Variants in PRKCH observed in about 807,000 individuals in gnomAD.
PRKCH encodes the protein protein kinase C eta.
PRKCH carries 28 observed loss-of-function variants against 82.5 expected under a neutral mutation model. The ratio of observed to expected loss-of-function variants is 0.34; its 90% CI spans 0.25 to 0.47. The LOEUF is 0.47. Ranked by LOEUF, PRKCH falls within the 20% of genes least tolerant of loss-of-function variation. PRKCH has a pLI of 1.00. For synonymous variants in PRKCH, 322 were observed against 327.4 expected (o/e 0.98, Z 0.18); for missense variants, 705 against 881.8 (o/e 0.80, Z 2.54).
intron 1 of PRKCH, among the ~76,000 whole-genome samples, chr14:61,275,685 G>A (rs1479890863): frequency 6.6e-6 from 1 of 152,074 alleles, no homozygotes; most frequent in Non-Finnish European, 1.5e-5. Flanking sequence ...CCTCATCATG[G>A]GTTTCCTTTG....
chr14:61,509,135 A>G (rs1472693380), intron 10 of PRKCH, among the ~76,000 whole-genome samples: 1 of 152,162 alleles, frequency 6.6e-6, no homozygotes, highest in Non-Finnish European at 1.5e-5. Context: ...GAATCCTGCC[A>G]TTCCCTCTCC....
chr14:61,356,701 A>C (rs2046155210), intron 1 of PRKCH, among the ~76,000 whole-genome samples: 3 of 152,074 alleles, frequency 2.0e-5, no homozygotes. Context: ...TTTGTTTTTG[A>C]GATGGAGTCT....
chr14:61,465,463 C>A (rs1885213531), intron 9 of PRKCH, among the ~76,000 whole-genome samples: 1 of 151,990 alleles, frequency 6.6e-6, no homozygotes, highest in Non-Finnish European at 1.5e-5. Context: ...TTTTTCAACA[C>A]CATTTATTGA....
intron 1 of PRKCH, 47 bp from the exon 2 acceptor site, chr14:61,391,178 A>C (rs776374647): frequency 6.6e-7 from 1 of 1,525,066 alleles, no homozygotes; most frequent in Non-Finnish European, 9.0e-7. Flanking sequence ...GCCCACAAAA[A>C]TATTTTAAAA....
intron 1 of PRKCH, among the ~76,000 whole-genome samples, chr14:61,199,272 T>C (rs2044461822): frequency 3.3e-5 from 5 of 152,234 alleles, no homozygotes. Flanking sequence ...TAATGTGTTA[T>C]GTACCCCCTG....
chr14:61,407,934 GCA>G (rs937976790), intron 2 of PRKCH, among the ~76,000 whole-genome samples: 2 of 152,124 alleles, frequency 1.3e-5, no homozygotes, highest in Admixed American at 1.3e-4. Flanking sequence ...TTCAGACAGG[GCA>G]GGGTTCTCCA....
chr14:61,340,217 G>A (rs1288479370), intron 1 of PRKCH, among the ~76,000 whole-genome samples: 1 of 152,036 alleles, frequency 6.6e-6, no homozygotes, highest in Non-Finnish European at 1.5e-5. Context: ...GTGTAGTCAG[G>A]TCAGTTCTTC....
At chr14:61,460,932 G>C (rs953714528) in intron 9 of PRKCH, among the ~76,000 whole-genome samples, 1 of 152,192 alleles carries the variant, frequency 6.6e-6, no homozygotes, top group African/African-American at 2.4e-5. Flanking sequence ...GCAGCCTGGA[G>C]AATGGGTGGA....
intron 9 of PRKCH, 105 bp from the exon 10 acceptor site, chr14:61,485,397 C>G: frequency 7.2e-7 from 1 of 1,393,064 alleles, no homozygotes; most frequent in Non-Finnish European, 9.8e-7. Context: ...AATACATCCA[C>G]TTGACAGTGT....
At chr14:61,419,142 C>T (rs1351342855) in intron 2 of PRKCH, among the ~76,000 whole-genome samples, 1 of 152,184 alleles carries the variant, frequency 6.6e-6, no homozygotes, top group Non-Finnish European at 1.5e-5. Flanking sequence ...GCTAGTTGTT[C>T]TCCCAAAGAC....
intron 1 of PRKCH, among the ~76,000 whole-genome samples, chr14:61,195,391 A>C (rs2044433536): frequency 6.6e-6 from 1 of 152,234 alleles, no homozygotes; most frequent in Non-Finnish European, 1.5e-5. Context: ...GAGAGGATTC[A>C]AAGTGCATTT....
At chr14:61,432,705 C>T (rs1160006688) in intron 2 of PRKCH, among the ~76,000 whole-genome samples, 1 of 152,058 alleles carries the variant, frequency 6.6e-6, no homozygotes, top group African/African-American at 2.4e-5. Flanking sequence ...TTTGACTCAG[C>T]CTTTTCCATT....
At chr14:61,370,745 T>C (rs2046355709) in intron 1 of PRKCH, among the ~76,000 whole-genome samples, 1 of 152,154 alleles carries the variant, frequency 6.6e-6, no homozygotes, top group African/African-American at 2.4e-5. Context: ...CTTCTACTTC[T>C]GTTTTTAGTT....
chr14:61,313,120 T>G (rs2045537510), intron 1 of PRKCH, among the ~76,000 whole-genome samples: 2 of 152,174 alleles, frequency 1.3e-5, no homozygotes, highest in African/African-American at 4.8e-5. Context: ...GGATGGTCAC[T>G]GAGTATACCA....
chr14:61,521,203 C>T (rs10151492), intron 10 of PRKCH, among the ~76,000 whole-genome samples: 41,778 of 151,980 alleles, frequency 0.27, 6,332 homozygotes, highest in African/African-American at 0.4. Flanking sequence ...CAGGAATGAT[C>T]AATTTTATAT....
intron 1 of PRKCH, among the ~76,000 whole-genome samples, chr14:61,377,651 A>G (rs2046443392): frequency 6.6e-6 from 1 of 152,170 alleles, no homozygotes; most frequent in Non-Finnish European, 1.5e-5. Context: ...GTAAAACTTT[A>G]CTTATCAAAA....
intron 2 of PRKCH, among the ~76,000 whole-genome samples, chr14:61,396,333 T>A (rs926306101): frequency 8.5e-5 from 13 of 152,184 alleles, no homozygotes; most frequent in Non-Finnish European, 8.8e-5. Context: ...CCTCATTTTT[T>A]AATTTTTCAT....
intron 12 of PRKCH, chr14:61,537,472 GTC>G (rs2043127011): frequency 6.6e-6 from 1 of 152,156 alleles, no homozygotes; most frequent in Non-Finnish European, 1.5e-5. Flanking sequence ...ACAAAAGAAA[GTC>G]TATCATTTTT....
intron 2 of PRKCH, among the ~76,000 whole-genome samples, chr14:61,406,299 C>CAAGGGTCAGGTTACAGTTTTTGCATT (rs1881946736): frequency 1.4e-5 from 2 of 138,280 alleles, no homozygotes; most frequent in East Asian, 5.0e-4. Context: ...AATGCTGCGA[C>CAAGGGTCAGGTTACAGTTTTTGCATT]AAGGGTCAGG....
Sources: allele counts gnomAD v4.1 joint callset (sites outside exome capture counted in the v4.1 genomes callset), GRCh38; gene constraint gnomAD v4.1.1; transcripts MANE v1.5; gene names NCBI Gene and HGNC (gene_info 2026-07-23, HGNC 2026-07-21).